The following SLC24A3 variants were observed in gnomAD, a reference collection of about 807,000 sequenced individuals.
The protein encoded by SLC24A3 is solute carrier family 24 member 3.
A neutral mutation model predicts 75.8 loss-of-function variants in SLC24A3; 28 were observed. That is an observed-to-expected ratio of 0.37 (90% CI 0.27 to 0.51). The LOEUF (loss-of-function observed/expected upper bound fraction) is 0.51. Ranked by LOEUF, SLC24A3 falls within the 20% of genes least tolerant of loss-of-function variation. SLC24A3 has a pLI of 0.94. For synonymous variants in SLC24A3, 372 were observed against 334.1 expected (o/e 1.11, Z -1.24); for missense variants, 663 against 847.8 (o/e 0.78, Z 2.71).
At chr20:19,394,094 T>C (rs910896542) in intron 2 of SLC24A3, among the ~76,000 whole-genome samples, 1 of 152,234 alleles carries the variant, frequency 6.6e-6, no homozygotes, top group African/African-American at 2.4e-5. Context: ...GTTCCAAGAC[T>C]ATTCAATGGG....
At chr20:19,532,536 C>T (rs2030321775) in intron 3 of SLC24A3, among the ~76,000 whole-genome samples, 1 of 152,212 alleles carries the variant, frequency 6.6e-6, no homozygotes, top group Non-Finnish European at 1.5e-5. Flanking sequence ...AAGCCATTCA[C>T]CTGAGTTCAT....
intron 15 of SLC24A3, among the ~76,000 whole-genome samples, chr20:19,716,474 C>A (rs2033048252): frequency 6.6e-6 from 1 of 151,516 alleles, no homozygotes; most frequent in African/African-American, 2.4e-5. Context: ...GCCACCTGTA[C>A]CTAATGGCTA....
chr20:19,424,526 C>A (rs1288673302), intron 2 of SLC24A3, among the ~76,000 whole-genome samples: 1 of 151,956 alleles, frequency 6.6e-6, no homozygotes, highest in Non-Finnish European at 1.5e-5. Context: ...CCCAGCTCTA[C>A]TAAAAATACA....
At chr20:19,395,012 C>T (rs554029073) in intron 2 of SLC24A3, among the ~76,000 whole-genome samples, 2 of 152,298 alleles carry the variant, frequency 1.3e-5, no homozygotes, top group South Asian at 4.1e-4. Context: ...GTGGCGTATA[C>T]ATACAGCATT....
At chr20:19,633,916 C>G (rs866346688) in intron 6 of SLC24A3, among the ~76,000 whole-genome samples, 4 of 152,108 alleles carry the variant, frequency 2.6e-5, no homozygotes, top group Admixed American at 2.6e-4. Flanking sequence ...GCCTGGCAAT[C>G]ATAAATATTC....
chr20:19,609,651 A>G (rs1568671579), intron 6 of SLC24A3, among the ~76,000 whole-genome samples: 2 of 152,190 alleles, frequency 1.3e-5, no homozygotes, highest in Non-Finnish European at 2.9e-5. Flanking sequence ...ATTTTTAAGA[A>G]AACATTAGGT....
At chr20:19,559,080 C>A (rs1398312276) in intron 3 of SLC24A3, among the ~76,000 whole-genome samples, 1 of 152,202 alleles carries the variant, frequency 6.6e-6, no homozygotes, top group South Asian at 2.1e-4. Flanking sequence ...CTTTCACACT[C>A]CCACCAGCAA....
intron 2 of SLC24A3, among the ~76,000 whole-genome samples, chr20:19,332,906 G>A (rs1985034258): frequency 6.6e-6 from 1 of 152,148 alleles, no homozygotes; most frequent in East Asian, 1.9e-4. Context: ...AGGGAGCCAG[G>A]ACAATTTAGG....
chr20:19,467,426 T>TGTACA (rs1404393929), intron 2 of SLC24A3, among the ~76,000 whole-genome samples: 5 of 152,258 alleles, frequency 3.3e-5, no homozygotes, highest in Admixed American at 3.3e-4. Flanking sequence ...AAATTTCAAG[T>TGTACA]GTACAGTCAT....
At chr20:19,318,559 A>G (rs976571086) in intron 2 of SLC24A3, among the ~76,000 whole-genome samples, 1 of 152,144 alleles carries the variant, frequency 6.6e-6, no homozygotes, top group Non-Finnish European at 1.5e-5. Context: ...AGCTGCTCTT[A>G]TTACCAGATA....
chr20:19,455,454 T>C (rs1408699443), intron 2 of SLC24A3, among the ~76,000 whole-genome samples: 1 of 152,192 alleles, frequency 6.6e-6, no homozygotes, highest in Non-Finnish European at 1.5e-5. Flanking sequence ...TTTTCATAAA[T>C]GTATGTAAAC....
chr20:19,261,519 AT>A (rs376544129), intron 1 of SLC24A3, among the ~76,000 whole-genome samples: 1,833 of 148,638 alleles, frequency 0.012, 32 homozygotes, highest in African/African-American at 0.041. Flanking sequence ...TTTTTTAATG[AT>A]TTTTTTTTTG....
chr20:19,468,089 A>C (rs1987799548), intron 2 of SLC24A3, among the ~76,000 whole-genome samples: 1 of 152,068 alleles, frequency 6.6e-6, no homozygotes, highest in South Asian at 2.1e-4. Context: ...TCTTAGAGGG[A>C]AGTTTTAGAG....
intron 14 of SLC24A3, among the ~76,000 whole-genome samples, chr20:19,698,254 A>G (rs187913801): frequency 1.3e-5 from 2 of 152,344 alleles, no homozygotes; most frequent in Admixed American, 1.3e-4. Context: ...CCTCACCTCC[A>G]ACACTGGGGA....
intron 2 of SLC24A3, among the ~76,000 whole-genome samples, chr20:19,397,667 T>G (rs1318707334): frequency 9.2e-6 from 1 of 109,254 alleles, no homozygotes; most frequent in Admixed American, 1.0e-4. Flanking sequence ...TTTTTTTTTT[T>G]GAGTGGTAAT....
chr20:19,378,647 C>T (rs1174989527), intron 2 of SLC24A3, among the ~76,000 whole-genome samples: 1 of 152,052 alleles, frequency 6.6e-6, no homozygotes, highest in African/African-American at 2.4e-5. Context: ...ACCTTCCACC[C>T]AAGATGAATG....
intron 3 of SLC24A3, among the ~76,000 whole-genome samples, chr20:19,525,704 C>T (rs192173410): frequency 1.6e-4 from 24 of 152,190 alleles, no homozygotes; most frequent in South Asian, 1.0e-3. Context: ...TGGCCGAGGA[C>T]GAGGACGGGC....
At chr20:19,401,370 A>T (rs1339214183) in intron 2 of SLC24A3, among the ~76,000 whole-genome samples, 3 of 152,222 alleles carry the variant, frequency 2.0e-5, no homozygotes, top group African/African-American at 7.2e-5. Context: ...AGATTTCTAG[A>T]TGGAAACGAT....
intron 6 of SLC24A3, among the ~76,000 whole-genome samples, chr20:19,622,051 T>C (rs1391564431): frequency 6.6e-6 from 1 of 152,216 alleles, no homozygotes; most frequent in Admixed American, 6.5e-5. Flanking sequence ...TAGGGAGTTT[T>C]TGTGCACTTG....
Sources: gnomAD v4.1 joint callset for allele counts (sites outside exome capture counted in the v4.1 genomes callset) on GRCh38, gnomAD v4.1.1 for gene constraint, MANE v1.5 for transcripts, NCBI Gene and HGNC (gene_info 2026-07-23, HGNC 2026-07-21) for gene names.